RADX: variants seen among roughly 807,000 people sequenced by gnomAD.
RADX encodes RPA1 related single stranded DNA binding protein, X-linked, also known as RPA-related protein RADX.
A neutral mutation model predicts 61.6 loss-of-function variants in RADX; 36 were observed. That is an observed-to-expected ratio of 0.58 (90% confidence interval 0.45 to 0.77). The LOEUF (loss-of-function observed/expected upper bound fraction) is 0.77, where lower values mean the gene tolerates loss of function less well. Among genes scored for constraint, RADX ranks in the 30% least tolerant of loss-of-function variants. The pLI, the probability that RADX is intolerant of heterozygous loss-of-function variation, is 0.00. For synonymous variants in RADX, 272 were observed against 237.9 expected (o/e 1.14, Z -1.32); for missense variants, 497 against 651.1 (o/e 0.76, Z 2.58).
At chrX:106,628,644 A>ATTTT (rs35521933) in intron 3 of RADX, among the ~76,000 whole-genome samples, 1 of 98,372 alleles carries the variant, frequency 1.0e-5, no homozygotes, top group African/African-American at 3.9e-5. Flanking sequence ...TAATATGTGA[A>ATTTT]TTTTTTTTTT....
intron 1 of RADX, among the ~76,000 whole-genome samples, chrX:106,622,125 A>T (rs767639787): frequency 9.1e-6 from 1 of 109,774 alleles, no homozygotes; most frequent in East Asian, 2.9e-4. Context: ...TTGGAGAGAC[A>T]TGGGGGTTTT....
intron 11 of RADX, among the ~76,000 whole-genome samples, chrX:106,651,780 T>C (rs1361617380): frequency 9.0e-6 from 1 of 110,666 alleles, no homozygotes; most frequent in African/African-American, 3.3e-5. Context: ...TAGGATAGAA[T>C]GTGTAACTTC....
chrX:106,633,082 A>T (rs1208543563), intron 5 of RADX, 48 bp from the exon 6 acceptor site: 1 of 1,159,070 alleles, frequency 8.6e-7, no homozygotes, highest in South Asian at 1.8e-5. Flanking sequence ...TTGTGTTCAT[A>T]TGTATATAAC....
chrX:106,612,516 G>A lies in RADX; in HGVS notation c.436G>A (p.Gly146Arg). The stretch of plus-strand genomic sequence containing the variant: ...TTACAATGAGAAAAGGATAGGCCAG[G>A]GGATCCTGTGCATAGATAACGTCCA... The part of the protein sequence containing the change: ...CLYNEKRIGQ[G>R]ILCIDNVHCG... Residue 146 changes from glycine (G) to arginine (R), a missense_variant, in exon 1 of 14, where the codon GGG becomes AGG. Physicochemically the swap from Gly to Arg is moderately radical, Grantham distance 125 (BLOSUM62 -2). Transcript: ENST00000372548. 1 of 1,210,808 alleles carries A rather than the reference G, an allele frequency of 8.3e-7. No homozygotes were observed. Among genetic ancestry groups the A allele is most frequent in the Non-Finnish European group, 1.1e-6 (1 of 894,639 alleles).
intron 1 of RADX, among the ~76,000 whole-genome samples, chrX:106,617,196 T>C (rs1926830979): frequency 9.2e-6 from 1 of 108,209 alleles, no homozygotes; most frequent in African/African-American, 3.4e-5. Flanking sequence ...TGGCTAACTT[T>C]TGTATTTTCA....
intron 12 of RADX, among the ~76,000 whole-genome samples, chrX:106,667,210 AGTT>A (rs1374601109): frequency 8.9e-6 from 1 of 112,045 alleles, no homozygotes; most frequent in East Asian, 2.8e-4. Flanking sequence ...GGGGAGATGT[AGTT>A]ATCTGGGGAA....
At position 106,640,716 on chromosome X, in the gene RADX, T is replaced by A. The variant is rs145266833; in HGVS notation, c.1899T>A (p.Ala633=). 9.0e-5 allele frequency: 105 copies of A among 1,168,750 alleles called. No homozygotes were observed. Among genetic ancestry groups the A allele is most frequent in the Non-Finnish European group, 1.1e-4 (94 of 868,660 alleles). Residue 633 remains alanine (A), a synonymous_variant, in exon 10 of 14, where the codon GCT becomes GCA. Coordinates refer to ENST00000372548, the MANE Select transcript of RADX (RefSeq NM_018015.6). ...NKIRILQGPH[A]NPVAVPQPGA... ...TAAGAATTCTTCAAGGCCCACACGC[T>A]AATCCGTAAGTCATTTGTATTAAGT...
intron 13 of RADX, among the ~76,000 whole-genome samples, chrX:106,670,031 G>C (rs751805345): frequency 9.0e-6 from 1 of 111,455 alleles, no homozygotes; most frequent in South Asian, 3.8e-4. Flanking sequence ...TATTATCTTG[G>C]GATTTTGTGG....
chrX:106,666,549 T>C (rs1040640308), intron 12 of RADX, among the ~76,000 whole-genome samples: 2 of 112,079 alleles, frequency 1.8e-5, no homozygotes, highest in African/African-American at 6.5e-5. Context: ...GCCCACAGGC[T>C]AATACCAAGG....
At chrX:106,653,344 G>T (rs5962708) in intron 11 of RADX, among the ~76,000 whole-genome samples, 12,064 of 109,533 alleles carry the variant, frequency 0.11, 1,642 homozygotes, top group African/African-American at 0.38. Context: ...ATGACTGGAG[G>T]GGATATGGAA....
chrX:106,659,753 A>G (rs1397065954), intron 11 of RADX, among the ~76,000 whole-genome samples: 2 of 111,420 alleles, frequency 1.8e-5, no homozygotes, highest in East Asian at 5.6e-4. Flanking sequence ...TTAATTATGA[A>G]GATACAATTG....
chrX:106,669,561 A>T (rs1290997326), intron 13 of RADX, among the ~76,000 whole-genome samples: 1 of 111,867 alleles, frequency 8.9e-6, no homozygotes, highest in Non-Finnish European at 1.9e-5. Flanking sequence ...CTTATAATAC[A>T]ATACAATTCC....
chrX:106,677,544 C>T (rs1447979643), intron 13 of RADX, among the ~76,000 whole-genome samples: 2 of 106,618 alleles, frequency 1.9e-5, no homozygotes, highest in African/African-American at 6.9e-5. Context: ...TACTGGAGAC[C>T]TGATACATTT....
At chrX:106,667,860 T>C (rs1007677569) in intron 12 of RADX, among the ~76,000 whole-genome samples, 1 of 111,783 alleles carries the variant, frequency 8.9e-6, no homozygotes, top group African/African-American at 3.2e-5. Context: ...ATGCAGTGTT[T>C]TCTTTTTATT....
In RADX at chrX:106,638,117, A is replaced by G. The variant is rs150277117; in HGVS notation, c.1573+193A>G. The G allele has an allele frequency of 2.3e-3, 871 of 381,124 alleles. 6 individuals carry two copies. Among genetic ancestry groups the G allele is most frequent in the African/African-American group, 0.019 (751 of 38,739 alleles). 31.4% of individuals were successfully genotyped at this position (381,124 alleles called of 1,213,427 possible). On this transcript the variant is annotated intron_variant, in intron 8 of 13. Coordinates refer to ENST00000372548, the MANE Select transcript of RADX (RefSeq NM_018015.6). ...ACGTATTTTCTATATAGTTTTCCCT[A>G]TATCTCGCATGGTGCTCTAAAGATT...
chrX:106,648,300 T>C lies in RADX; in HGVS notation c.1905-13T>C. The C allele has an allele frequency of 2.6e-6, 3 of 1,140,691 alleles. No homozygotes were observed. The highest frequency in any genetic ancestry group is 3.6e-6 in the Non-Finnish European group (3 of 835,023). 94.0% of individuals were successfully genotyped at this position (1,140,691 alleles called of 1,213,427 possible). ...TTTATAAGGATTGGTTATACTCTTC[T>C]TATCCTTTATAGAGTTGCTGTACCT... On this transcript the variant is annotated splice_polypyrimidine_tract_variant and intron_variant, in intron 10 of 13. Transcript: ENST00000372548.
intron 3 of RADX, among the ~76,000 whole-genome samples, chrX:106,630,349 A>C (rs35472166): frequency 0.33 from 35,041 of 104,821 alleles, 4,913 homozygotes; most frequent in African/African-American, 0.54. Context: ...AACAAACAAA[A>C]AAAAAAAAAA....
intron 8 of RADX, chrX:106,638,367 A>G (rs1466249689): frequency 2.7e-5 from 3 of 110,021 alleles, no homozygotes; most frequent in African/African-American, 1.0e-4. Context: ...GGTTCACGCC[A>G]TTCTCCTGCC....
At chrX:106,674,052 G>A (rs868779276) in intron 13 of RADX, among the ~76,000 whole-genome samples, 79 of 111,281 alleles carry the variant, frequency 7.1e-4, no homozygotes, top group Middle Eastern at 9.4e-3. Context: ...TGGTATTGGT[G>A]ATTCAGGAGT....
Sources: gnomAD v4.1 joint callset for allele counts (sites outside exome capture counted in the v4.1 genomes callset) on GRCh38, gnomAD v4.1.1 for gene constraint, MANE v1.5 for transcripts, NCBI Gene and HGNC (gene_info 2026-07-23, HGNC 2026-07-21) for gene names.